The following FMR1 variants were observed in gnomAD, a reference collection of about 807,000 sequenced individuals.
FMR1 encodes FMRP translational regulator 1.
In FMR1, 13 loss-of-function variants were observed where a neutral mutation model predicts 50.6. The ratio of observed to expected loss-of-function variants is 0.26; its 90% CI spans 0.17 to 0.41. FMR1 has a LOEUF of 0.41. FMR1 is among the 10% of genes least tolerant of loss of function. The pLI, the probability that FMR1 is intolerant of heterozygous loss-of-function variation, is 1.00. For synonymous variants in FMR1, 138 were observed against 164.1 expected, an observed-to-expected ratio of 0.84 and a Z score of 1.22; for missense variants, 316 against 491.3, an observed-to-expected ratio of 0.64 and a Z score of 3.37.
rs1328110248 is a variant in FMR1 at position 147,949,829 on chromosome X, T to C, written c.*985T>C. 1.5e-5 allele frequency: 5 copies of C among 325,213 alleles called. No homozygotes were observed. The highest frequency in any genetic ancestry group is 3.0e-5 in the Non-Finnish European group (5 of 169,043). 26.8% of individuals were successfully genotyped at this position (325,213 alleles called of 1,213,427 possible). On this transcript the variant is annotated 3_prime_UTR_variant, in exon 17 of 17. Coordinates refer to ENST00000370475, the MANE Select transcript of FMR1 (RefSeq NM_002024.6). ...TCTGCCCCAAGTTTTGTGAAATTTT[T>C]CATATTTTAATTTCAAGCTTATTTT...
chrX:147,914,720 C>T (rs1433265598), intron 1 of FMR1, among the ~76,000 whole-genome samples: 1 of 111,944 alleles, frequency 8.9e-6, no homozygotes, highest in Non-Finnish European at 1.9e-5. Context: ...AAATTGGTCA[C>T]GTGTACCACT....
chrX:147,929,902 A>G (rs1557178319), intron 5 of FMR1, 46 bp from the exon 6 acceptor site: 2 of 831,078 alleles, frequency 2.4e-6, no homozygotes, highest in Non-Finnish European at 3.5e-6. Context: ...TATTTATGTC[A>G]GTAGTTGGTA....
chrX:147,939,717 C>T (rs782035908), intron 12 of FMR1, among the ~76,000 whole-genome samples: 3 of 85,478 alleles, frequency 3.5e-5, no homozygotes, highest in Non-Finnish European at 4.5e-5. Context: ...GGCAATGTGG[C>T]GAAACCCCGT....
intron 4 of FMR1, 113 bp downstream of exon 4, chrX:147,928,506 T>A: frequency 1.3e-6 from 1 of 758,802 alleles, no homozygotes; most frequent in Non-Finnish European, 2.0e-6. Flanking sequence ...TTTGAGTAAT[T>A]TAATTAAAAT....
In FMR1 at chrX:147,944,992, G is replaced by A. The variant is rs1557181635; in HGVS notation, c.1595G>A (p.Arg532Gln). 1 of 1,199,587 alleles carries A rather than the reference G, an allele frequency of 8.3e-7. No homozygotes were observed. Among genetic ancestry groups the A allele is most frequent in the African/African-American group, 1.8e-5 (1 of 56,358 alleles). ...RESFLRRGDG[R>Q]RRGGGGRGQG... ...AGCTTCCTGCGCAGAGGAGACGGAC[G>A]GCGGCGTGGAGGGGGAGGAAGAGGA... The change falls in exon 15 of 17, where the codon CGG becomes CAG. Residue 532 changes from arginine to glutamine, a missense_variant. Coordinates refer to ENST00000370475, the MANE Select transcript of FMR1 (RefSeq NM_002024.6).
chrX:147,945,570 G>A lies in FMR1; in HGVS notation c.1691G>A (p.Arg564His), dbSNP rs1557181801. Reference sequence around the variant, plus strand: ...CACTCCCGAACAGATAATCGTCCACGTAATCCAAGAGAGGCTAAAGGAAGA... The same window carrying A: ...CACTCCCGAACAGATAATCGTCCACATAATCCAAGAGAGGCTAAAGGAAGA... Reference protein sequence around the residue: ...DDHSRTDNRPRNPREAKGRTT... With the variant: ...DDHSRTDNRPHNPREAKGRTT... Residue 564 changes from arginine to histidine, a missense_variant, in exon 16 of 17, where the codon CGT becomes CAT. Around this residue, in one of 4 missense-constraint regions of FMR1, gnomAD observed 124 missense variants for 160.8 expected, o/e 0.77. Coordinates refer to ENST00000370475, the MANE Select transcript of FMR1 (RefSeq NM_002024.6). 1 of 1,209,967 alleles carries A rather than the reference G, an allele frequency of 8.3e-7. No individual in the cohort carries two copies. Among genetic ancestry groups the A allele is most frequent in the Non-Finnish European group, 1.1e-6 (1 of 893,688 alleles).
chrX:147,912,324 G>C (rs782395504), intron 1 of FMR1, 94 bp downstream of exon 1: 100 of 865,680 alleles, frequency 1.2e-4, no homozygotes, highest in Non-Finnish European at 1.6e-4. Context: ...CCCTCTTCCC[G>C]AGCACCGCGC....
At chrX:147,936,675 A>G (rs2043799621) in intron 10 of FMR1, 62 bp downstream of exon 10, 1 of 655,376 alleles carries the variant, frequency 1.5e-6, no homozygotes, top group Non-Finnish European at 2.5e-6. Flanking sequence ...TTTATGTGAT[A>G]TGTTGAGGAC....
At chrX:147,942,003 C>T (rs2044024085) in intron 13 of FMR1, among the ~76,000 whole-genome samples, 1 of 112,595 alleles carries the variant, frequency 8.9e-6, no homozygotes, top group African/African-American at 3.2e-5. Context: ...TGAGCTATTA[C>T]TATACCTTTG....
rs28901 is a variant in FMR1 at position 147,912,585 on chromosome X, C to T, written c.51+355C>T. ...CTAAGTGACGGCGATGGCTTATTCCCCCTTTCCTAAACATCATCTCCCAGC... is the reference window on the plus strand; with the variant it reads ...CTAAGTGACGGCGATGGCTTATTCCTCCTTTCCTAAACATCATCTCCCAGC... On this transcript the variant is annotated intron_variant, in intron 1 of 16. Coordinates refer to ENST00000370475, the MANE Select transcript of FMR1 (RefSeq NM_002024.6). 558 of 304,351 alleles carry T rather than the reference C, an allele frequency of 1.8e-3. 1 individual carries two copies. The highest frequency in any genetic ancestry group is 2.9e-3 in the Non-Finnish European group (508 of 174,029). The allele number at this position is 304,351 out of a possible 1,213,427, so 25.1% of individuals were successfully genotyped here. A position where few individuals can be genotyped will look rare whatever the true frequency, so the allele number is the denominator to read the frequency against.
At chrX:147,936,864 A>C (rs1362260130) in intron 10 of FMR1, among the ~76,000 whole-genome samples, 1 of 111,768 alleles carries the variant, frequency 8.9e-6, no homozygotes, top group Non-Finnish European at 1.9e-5. Flanking sequence ...AAATTTTTAA[A>C]TATGAGACAT....
intron 13 of FMR1, among the ~76,000 whole-genome samples, chrX:147,942,182 CTT>C (rs1339165975): frequency 4.4e-5 from 5 of 112,366 alleles, no homozygotes; most frequent in African/African-American, 1.3e-4. Flanking sequence ...ATTTTAGAAA[CTT>C]AGCTTTACAG....
intron 5 of FMR1, among the ~76,000 whole-genome samples, chrX:147,929,412 T>A (rs782078364): frequency 7.2e-5 from 8 of 111,147 alleles, no homozygotes; most frequent in Non-Finnish European, 1.5e-4. Context: ...ATTGTGTATG[T>A]GTGTAAATTT....
chrX:147,929,113 C>G, intron 5 of FMR1, among the ~76,000 whole-genome samples: 1 of 111,934 alleles, frequency 8.9e-6, no homozygotes, highest in African/African-American at 3.2e-5. Flanking sequence ...ACTGATCAAA[C>G]AAATGTGATA....
At chrX:147,944,112 C>A in intron 14 of FMR1, 1 of 750,350 alleles carries the variant, frequency 1.3e-6, no homozygotes, top group Non-Finnish European at 1.6e-6. Context: ...TTACCTACTC[C>A]TAAGGCCAAC....
intron 1 of FMR1, among the ~76,000 whole-genome samples, chrX:147,916,060 G>C (rs1192447701): frequency 4.5e-5 from 5 of 111,950 alleles, no homozygotes; most frequent in African/African-American, 1.3e-4. Context: ...CAGTTTATGT[G>C]CCAGCTTTTT....
chrX:147,922,680 G>A (rs1429980159), intron 2 of FMR1, among the ~76,000 whole-genome samples: 1 of 111,808 alleles, frequency 8.9e-6, no homozygotes, highest in Non-Finnish European at 1.9e-5. Flanking sequence ...CTTAGTCAAA[G>A]TGTAGATGTG....
Position 147,921,934 on chromosome X carries a change from C to T in FMR1, c.53C>T (p.Ala18Val). 8.8e-7 allele frequency: 1 copy of T among 1,141,743 alleles called. No individual in the cohort carries two copies. Among genetic ancestry groups the T allele is most frequent in the Non-Finnish European group, 1.2e-6 (1 of 832,844 alleles). The allele number at this position is 1,141,743 out of a possible 1,213,427, so 94.1% of individuals were successfully genotyped here. A position where few individuals can be genotyped will look rare whatever the true frequency, so the allele number is the denominator to read the frequency against. Residue 18 changes from alanine (A) to valine (V), a missense_variant and splice_region_variant, in exon 2 of 17, where the codon GCA becomes GTA. Around this residue, in one of 4 missense-constraint regions of FMR1, gnomAD observed 124 missense variants for 238.1 expected, o/e 0.52. Coordinates refer to ENST00000370475, the MANE Select transcript of FMR1 (RefSeq NM_002024.6). ...VRGSNGAFYKAFVKDVHEDSI... is the reference protein window; with the variant it reads ...VRGSNGAFYKVFVKDVHEDSI... Reference sequence around the variant, plus strand: ...AATTTAACGTTTTTTCTTACACAGGCATTTGTAAAGGATGTTCATGAAGAT... The same window carrying T: ...AATTTAACGTTTTTTCTTACACAGGTATTTGTAAAGGATGTTCATGAAGAT...
intron 1 of FMR1, chrX:147,913,295 T>C (rs1392460693): frequency 8.9e-6 from 1 of 112,306 alleles, no homozygotes; most frequent in Non-Finnish European, 1.9e-5. Flanking sequence ...AAAAGGAAGA[T>C]TTACAAATTT....
Sources: allele counts gnomAD v4.1 joint callset (sites outside exome capture counted in the v4.1 genomes callset), GRCh38; gene constraint gnomAD v4.1.1; regional missense constraint gnomAD v4.1.1; transcripts MANE v1.5; gene names NCBI Gene and HGNC (gene_info 2026-07-23, HGNC 2026-07-21).